The following PSEN1 variants were observed in gnomAD, a reference collection of about 807,000 sequenced individuals.
The protein encoded by PSEN1 is presenilin-1.
PSEN1 carries 15 observed loss-of-function variants against 53.5 expected under a neutral mutation model. The observed-to-expected ratio is 0.28, with a 90% CI of 0.19 to 0.43. The LOEUF is 0.43. PSEN1 is among the 20% of genes least tolerant of loss of function. The pLI is 1.00. For synonymous variants in PSEN1, 208 were observed against 209.8 expected, an observed-to-expected ratio of 0.99 and a Z score of 0.08; for missense variants, 387 against 571.2, an observed-to-expected ratio of 0.68 and a Z score of 3.29.
chr14:73,140,742 A>G (rs1896902400), intron 1 of PSEN1, among the ~76,000 whole-genome samples: 2 of 152,188 alleles, frequency 1.3e-5, no homozygotes, highest in South Asian at 2.1e-4. Flanking sequence ...AAAGTTACAG[A>G]TAAGGGATTC....
At chr14:73,190,972 CT>C (rs2140089368) in intron 6 of PSEN1, among the ~76,000 whole-genome samples, 1 of 152,324 alleles carries the variant, frequency 6.6e-6, no homozygotes, top group African/African-American at 2.4e-5. Flanking sequence ...GAGGAATCAT[CT>C]TTTTGGATGG....
intron 7 of PSEN1, 98 bp from the exon 8 acceptor site, chr14:73,197,933 C>A (rs1899020282): frequency 9.5e-5 from 59 of 621,372 alleles, no homozygotes; most frequent in Middle Eastern, 2.6e-4. Flanking sequence ...AGACAAAAAA[C>A]ATTAAACTTT....
intron 4 of PSEN1, 53 bp downstream of exon 4, chr14:73,171,100 C>T: frequency 6.2e-7 from 1 of 1,605,484 alleles, no homozygotes; most frequent in Non-Finnish European, 8.5e-7. Context: ...CTTTTCTTTA[C>T]AGCATGTCAT....
intron 7 of PSEN1, among the ~76,000 whole-genome samples, 170 bp downstream of exon 7, chr14:73,193,034 G>A (rs1898789341): frequency 6.6e-6 from 1 of 152,042 alleles, no homozygotes; most frequent in Non-Finnish European, 1.5e-5. Context: ...ATTTCGGCTG[G>A]GCATGGTAGC....
chr14:73,187,989 C>T (rs781509628), intron 6 of PSEN1, among the ~76,000 whole-genome samples: 14 of 151,936 alleles, frequency 9.2e-5, no homozygotes, highest in Non-Finnish European at 1.6e-4. Context: ...AGTGCAGTGG[C>T]ATGATCTCGG....
intron 1 of PSEN1, among the ~76,000 whole-genome samples, chr14:73,142,489 T>C (rs559580270): frequency 9.2e-5 from 14 of 152,174 alleles, no homozygotes; most frequent in Non-Finnish European, 1.6e-4. Flanking sequence ...ATTTTGTTTA[T>C]ATTTATGTCT....
intron 8 of PSEN1, among the ~76,000 whole-genome samples, chr14:73,202,458 ATATATTTTTTTT>A (rs1899258530): frequency 2.2e-4 from 3 of 13,838 alleles, no homozygotes; most frequent in African/African-American, 1.4e-3. Context: ...ATATATATAT[ATATATTTTTTTT>A]TTTTTTTTTT....
At chr14:73,155,015 G>T (rs1037038638) in intron 3 of PSEN1, among the ~76,000 whole-genome samples, 1 of 152,162 alleles carries the variant, frequency 6.6e-6, no homozygotes, top group Admixed American at 6.5e-5. Flanking sequence ...AAATAATTTA[G>T]CAATTAAATC....
chr14:73,151,867 C>CCTAAAAT (rs1233760418), intron 3 of PSEN1, among the ~76,000 whole-genome samples: 1 of 134,432 alleles, frequency 7.4e-6, no homozygotes, highest in Non-Finnish European at 1.6e-5. Flanking sequence ...CTGCGCCCAA[C>CCTAAAAT]CTAAAATATT....
chr14:73,216,314 T>C (rs1352788478), intron 10 of PSEN1, among the ~76,000 whole-genome samples: 14 of 152,226 alleles, frequency 9.2e-5, no homozygotes, highest in Admixed American at 1.3e-4. Flanking sequence ...ACAAGGTACC[T>C]GACTGGGGCA....
chr14:73,194,672 C>T (rs775735358), intron 7 of PSEN1, among the ~76,000 whole-genome samples: 3 of 151,254 alleles, frequency 2.0e-5, no homozygotes, highest in African/African-American at 7.3e-5. Context: ...AGGTTCATGC[C>T]GTTCTCCTGC....
chr14:73,204,048 G>T (rs151098329), intron 8 of PSEN1, among the ~76,000 whole-genome samples: 1 of 151,772 alleles, frequency 6.6e-6, no homozygotes, highest in African/African-American at 2.4e-5. Context: ...GCCCAGGCTG[G>T]AGTGCAATGG....
At chr14:73,146,827 G>A (rs1260538400) in intron 1 of PSEN1, among the ~76,000 whole-genome samples, 1 of 152,206 alleles carries the variant, frequency 6.6e-6, no homozygotes. Flanking sequence ...CGTTAGGTAT[G>A]TACACGGATT....
At chr14:73,150,530 G>A (rs1281308451) in intron 3 of PSEN1, among the ~76,000 whole-genome samples, 8 of 152,112 alleles carry the variant, frequency 5.3e-5, no homozygotes, top group Non-Finnish European at 1.0e-4. Flanking sequence ...TTGGGAGGCC[G>A]AGGCTGGTGG....
chr14:73,220,305 G>A lies in PSEN1; in HGVS notation c.*1016G>A, dbSNP rs201375075. 1.3e-5 allele frequency: 2 copies of A among 152,584 alleles called. No homozygotes were observed. The highest frequency in any genetic ancestry group is 2.4e-5 in the African/African-American group (1 of 41,422). The allele number at this position is 152,584 out of a possible 1,614,324, so 9.5% of individuals were successfully genotyped here. On this transcript the variant is annotated 3_prime_UTR_variant, in exon 12 of 12. Transcript: ENST00000324501. ...TGATGAAAAGAATGTGTTATGAATC[G>A]GTGCTGTCAGCCCTGCTGTCAGACC...
intron 7 of PSEN1, among the ~76,000 whole-genome samples, chr14:73,194,553 G>A (rs1194596026): frequency 1.4e-5 from 2 of 148,008 alleles, no homozygotes; most frequent in African/African-American, 5.0e-5. Flanking sequence ...GAGCCACCAT[G>A]CCTGGCCATA....
At chr14:73,160,890 C>G (rs1343977385) in intron 3 of PSEN1, among the ~76,000 whole-genome samples, 1 of 138,938 alleles carries the variant, frequency 7.2e-6, no homozygotes, top group Non-Finnish European at 1.5e-5. Context: ...TCACTGCAAG[C>G]TCCACCTGCC....
At chr14:73,141,307 A>C (rs1418276690) in intron 1 of PSEN1, among the ~76,000 whole-genome samples, 1 of 151,290 alleles carries the variant, frequency 6.6e-6, no homozygotes, top group East Asian at 1.9e-4. Flanking sequence ...GTGGAGTGGG[A>C]TGGAAGGAGA....
At chr14:73,211,665 G>C (rs1157617568) in intron 9 of PSEN1, 104 bp from the exon 10 acceptor site, 6 of 1,264,038 alleles carry the variant, frequency 4.7e-6, no homozygotes, top group Non-Finnish European at 6.8e-6. Flanking sequence ...TGGTTTAAGG[G>C]CCAGCTAGTT....
Sources: gnomAD v4.1 joint callset for allele counts (sites outside exome capture counted in the v4.1 genomes callset) on GRCh38, gnomAD v4.1.1 for gene constraint, MANE v1.5 for transcripts, NCBI Gene and HGNC (gene_info 2026-07-23, HGNC 2026-07-21) for gene names.